The following BRSK2 variants were observed in gnomAD, a reference collection of about 807,000 sequenced individuals.
BRSK2 encodes serine/threonine-protein kinase BRSK2.
In BRSK2, 19 loss-of-function variants were observed where a neutral mutation model predicts 83.3. The observed-to-expected ratio is 0.23, with a 90% CI of 0.16 to 0.33. The LOEUF (loss-of-function observed/expected upper bound fraction) is 0.33. Ranked by LOEUF, BRSK2 falls within the 10% of genes least tolerant of loss-of-function variation. BRSK2 has a pLI of 1.00. For synonymous variants in BRSK2, 519 were observed against 435.4 expected, an observed-to-expected ratio of 1.19 and a Z score of -2.39; for missense variants, 798 against 1,042.3, an observed-to-expected ratio of 0.77 and a Z score of 3.23.
chr11:1,412,990 A>G (rs1393719680), intron 1 of BRSK2, among the ~76,000 whole-genome samples: 1 of 152,060 alleles, frequency 6.6e-6, no homozygotes. Context: ...GGCGGGGCTC[A>G]CTGCAGGCGC....
In BRSK2 at chr11:1,460,759, G is replaced by A. The variant is rs1847395699; in HGVS notation, c.*36G>A. On this transcript the variant is annotated 3_prime_UTR_variant, in exon 20 of 20. Coordinates refer to ENST00000528841, the MANE Select transcript of BRSK2 (RefSeq NM_001256627.2). Reference sequence around the variant, plus strand: ...CCCCCCCCCCAGCACAGCACTGACAGCGGCTGCCTCGCCGCCCGCCGCCCG... The same window carrying A: ...CCCCCCCCCCAGCACAGCACTGACAACGGCTGCCTCGCCGCCCGCCGCCCG... 5 of 1,373,750 alleles carry A rather than the reference G, an allele frequency of 3.6e-6. No individual in the cohort carries two copies. In the South Asian group the frequency reaches 7.5e-5, roughly 21 times the overall value. The allele number at this position is 1,373,750 out of a possible 1,614,324, so 85.1% of individuals were successfully genotyped here. A position where few individuals can be genotyped will look rare whatever the true frequency, so the allele number is the denominator to read the frequency against.
Position 1,458,858 on chromosome 11 carries a change from GT to G in BRSK2, c.1940-332del, listed in dbSNP as rs1374788199. Among the ~76,000 whole-genome samples the G allele has an allele frequency of 2.6e-5, 4 of 152,320 alleles. No individual in the cohort carries two copies. The South Asian group carries it at 8.3e-4, about 32-fold the overall frequency. ...GGATGCAGGCCACGGCCAGGGCAGA[GT>G]TGTCAGCCCAGGGGAGGGGCTAGGC... On this transcript the variant is annotated intron_variant, in intron 18 of 19. Transcript: ENST00000528841.
intron 18 of BRSK2, among the ~76,000 whole-genome samples, chr11:1,458,074 G>T (rs1216357964): frequency 1.3e-5 from 2 of 152,130 alleles, no homozygotes; most frequent in African/African-American, 4.8e-5. Flanking sequence ...GGGAAACCGA[G>T]GCCAGGGAAC....
At chr11:1,428,226 G>T (rs907158432) in intron 1 of BRSK2, among the ~76,000 whole-genome samples, 3 of 152,164 alleles carry the variant, frequency 2.0e-5, no homozygotes, top group African/African-American at 7.2e-5. Flanking sequence ...TAGGCAGGAG[G>T]CTCTTGGTGG....
chr11:1,442,304 A>G, intron 4 of BRSK2, 186 bp from the exon 5 acceptor site: 1 of 541,176 alleles, frequency 1.8e-6, no homozygotes. Context: ...CAAAGGCCAG[A>G]GCCAAACGGA....
At chr11:1,450,134 C>T (rs916966417) in intron 13 of BRSK2, among the ~76,000 whole-genome samples, 2 of 148,320 alleles carry the variant, frequency 1.3e-5, no homozygotes, top group Admixed American at 6.6e-5. Flanking sequence ...TCTTTCTGGT[C>T]CTCCTGTGCC....
chr11:1,394,473 T>C (rs1389095012), intron 1 of BRSK2, among the ~76,000 whole-genome samples: 1 of 51,724 alleles, frequency 1.9e-5, no homozygotes, highest in East Asian at 7.9e-4. Context: ...TGGAGATGGG[T>C]CCTGGAGATG....
In BRSK2 at chr11:1,440,926, A is replaced by T; in HGVS notation, c.411A>T (p.Ile137=). The T allele has an allele frequency of 6.3e-7, 1 of 1,576,716 alleles. No individual in the cohort carries two copies. The highest frequency in any genetic ancestry group is 8.6e-7 in the Non-Finnish European group (1 of 1,164,518). Residue 137 remains isoleucine (I), a splice_region_variant and synonymous_variant, in exon 4 of 20, where the codon ATA becomes ATT. Transcript: ENST00000528841. ...SALDFCHSHS[I]CHRDLKPENL... is the part of the protein sequence containing the mutation. ...TGGACTTCTGCCACAGCCACTCCAT[A>T]TGGTGAGGCCCCACCCCTGGTGCCC...
intron 1 of BRSK2, among the ~76,000 whole-genome samples, chr11:1,419,159 T>G (rs1848401505): frequency 1.4e-5 from 2 of 146,032 alleles, no homozygotes; most frequent in African/African-American, 5.1e-5. Context: ...GGGGGGGGCC[T>G]TTGCTCAGCT....
At chr11:1,446,720 G>C (rs565436981) in intron 12 of BRSK2, among the ~76,000 whole-genome samples, 1 of 152,224 alleles carries the variant, frequency 6.6e-6, no homozygotes, top group African/African-American at 2.4e-5. Context: ...CCTTGGAGCC[G>C]GTGCGGCCTC....
rs907620395 is a variant in BRSK2 at position 1,454,677 on chromosome 11, C to T, written c.1668+69C>T. 2.5e-6 allele frequency: 4 copies of T among 1,581,166 alleles called. No individual in the cohort carries two copies. The highest frequency in any genetic ancestry group is 2.6e-6 in the Non-Finnish European group (3 of 1,160,088). ...CCCACACGGCCCAGCCCCGAGAATC[C>T]AGCCTCCTCACGTAGACAGGACATG... is the stretch of plus-strand genomic sequence containing the variant. On this transcript the variant is annotated intron_variant, in intron 16 of 19. Transcript: ENST00000528841. This position sits in a 1 kb window ranked among gnomAD's most constrained non-coding sequence, Gnocchi z 5.2.
chr11:1,446,755 C>A (rs972750274), intron 12 of BRSK2, among the ~76,000 whole-genome samples: 5 of 152,210 alleles, frequency 3.3e-5, no homozygotes, highest in Non-Finnish European at 7.4e-5. Context: ...AAACGTCCCT[C>A]ACCAGGTGGC....
chr11:1,460,991 A>G lies in BRSK2; in HGVS notation c.*268A>G, dbSNP rs1847433949. 6.2e-6 allele frequency: 10 copies of G among 1,612,174 alleles called. No homozygotes were observed. The highest frequency in any genetic ancestry group is 4.5e-5 in the East Asian group (2 of 44,816). On this transcript the variant is annotated 3_prime_UTR_variant, in exon 20 of 20. Transcript: ENST00000528841. ...CCAGGAATTATCCCGAAAAGTTAAC[A>G]TGTCACCTCCACGAGGCCATCCTCT... is the stretch of plus-strand genomic sequence containing the variant.
chr11:1,433,638 C>T (rs1480167698), intron 1 of BRSK2, among the ~76,000 whole-genome samples: 1 of 152,246 alleles, frequency 6.6e-6, no homozygotes, highest in African/African-American at 2.4e-5. Context: ...GGATGCAGGC[C>T]AGCCTCGTGC....
chr11:1,459,452 G>T, intron 19 of BRSK2: 1 of 596,988 alleles, frequency 1.7e-6, no homozygotes, highest in East Asian at 2.9e-5. Context: ...TTCCTGGCCA[G>T]ACTCACCTCT....
chr11:1,428,977 C>T (rs970010255), intron 1 of BRSK2, among the ~76,000 whole-genome samples: 4 of 143,676 alleles, frequency 2.8e-5, no homozygotes, highest in Admixed American at 1.4e-4. Context: ...GGCGTGTGGG[C>T]GTGTGCACTG....
Position 1,449,780 on chromosome 11 carries a change from C to T in BRSK2, c.1231C>T (p.Arg411Trp), listed in dbSNP as rs745960971. ...IEMAQHGQRS[R>W]SISGASSGLS... The stretch of plus-strand genomic sequence containing the variant: ...CCTGTACCTTGTGACCTCCAGGTCT[C>T]GGTCCATCAGCGGTGCCTCCTCAGG... Residue 411 changes from arginine (R) to tryptophan (W), a missense_variant, in exon 13 of 20, where the codon CGG (arginine) becomes TGG (tryptophan). Physicochemically the swap from Arg to Trp is moderately radical, Grantham distance 101. Coordinates refer to ENST00000528841, the MANE Select transcript of BRSK2 (RefSeq NM_001256627.2). 60 of 1,612,082 alleles carry T rather than the reference C, an allele frequency of 3.7e-5. No individual in the cohort carries two copies. Among genetic ancestry groups the T allele is most frequent in the Non-Finnish European group, 3.9e-5 (46 of 1,179,484 alleles).
At chr11:1,439,902 C>T (rs1192369656) in intron 3 of BRSK2, among the ~76,000 whole-genome samples, 1 of 152,130 alleles carries the variant, frequency 6.6e-6, no homozygotes, top group Non-Finnish European at 1.5e-5. Context: ...ACACCTTCCC[C>T]TGCCCTGGGG....
At chr11:1,442,964 G>GC in intron 5 of BRSK2, 142 bp from the exon 6 acceptor site, 1 of 1,013,306 alleles carries the variant, frequency 9.9e-7, no homozygotes, top group South Asian at 1.7e-5. Context: ...CCAAAAGCCC[G>GC]CCTGGGGATG....
Sources: allele counts gnomAD v4.1 joint callset (sites outside exome capture counted in the v4.1 genomes callset), GRCh38; gene constraint gnomAD v4.1.1; non-coding constraint Gnocchi (gnomAD v3.1); transcripts MANE v1.5; gene names NCBI Gene and HGNC (gene_info 2026-07-23, HGNC 2026-07-21).